CLVS1: variants seen among roughly 807,000 people sequenced by gnomAD.
CLVS1 encodes the protein clavesin-1.
In CLVS1, 10 loss-of-function variants were observed where a neutral mutation model predicts 33.1. The ratio of observed to expected loss-of-function variants is 0.30; its 90% CI spans 0.19 to 0.51. The LOEUF is 0.51. Ranked by LOEUF, CLVS1 falls within the 20% of genes least tolerant of loss-of-function variation. The pLI, the probability that CLVS1 is intolerant of heterozygous loss-of-function variation, is 0.97. For missense variants in CLVS1, 343 were observed against 433.4 expected (o/e 0.79, Z 1.85); for synonymous variants, 163 against 166.1 (o/e 0.98, Z 0.14).
intron 3 of CLVS1, among the ~76,000 whole-genome samples, chr8:61,412,613 T>G (rs997273980): frequency 1.3e-5 from 2 of 152,344 alleles, no homozygotes; most frequent in South Asian, 2.1e-4. Context: ...GCAGTGCATC[T>G]TGTAACAACC....
intron 2 of CLVS1, among the ~76,000 whole-genome samples, chr8:61,147,193 G>A (rs565073165): frequency 7.2e-5 from 11 of 152,292 alleles, no homozygotes; most frequent in African/African-American, 1.4e-4. Flanking sequence ...AGGGAATCAC[G>A]TGTTTCCAGT....
chr8:61,368,540 A>G (rs1813305352), intron 2 of CLVS1, among the ~76,000 whole-genome samples: 1 of 152,208 alleles, frequency 6.6e-6, no homozygotes, highest in African/African-American at 2.4e-5. Flanking sequence ...GGACTGGGGC[A>G]GAGGATGACA....
At chr8:61,408,984 C>G (rs1353195458) in intron 3 of CLVS1, among the ~76,000 whole-genome samples, 1 of 152,112 alleles carries the variant, frequency 6.6e-6, no homozygotes, top group Non-Finnish European at 1.5e-5. Context: ...ATCTTCTTCT[C>G]TAAGTCAAAG....
intron 2 of CLVS1, among the ~76,000 whole-genome samples, chr8:61,337,496 T>A (rs1230427975): frequency 6.6e-6 from 1 of 152,098 alleles, no homozygotes; most frequent in East Asian, 1.9e-4. Context: ...ATGGCTTGCT[T>A]TAGAGTGACT....
intron 2 of CLVS1, among the ~76,000 whole-genome samples, chr8:61,145,198 GTA>G (rs1206344299): frequency 6.6e-6 from 1 of 152,192 alleles, no homozygotes; most frequent in Non-Finnish European, 1.5e-5. Flanking sequence ...TTTTTGCAAT[GTA>G]TCCATCTGAC....
chr8:61,253,336 C>G (rs902106566), intron 2 of CLVS1, among the ~76,000 whole-genome samples: 1 of 152,192 alleles, frequency 6.6e-6, no homozygotes, highest in South Asian at 2.1e-4. Flanking sequence ...TGACCTTTCT[C>G]TCTGGCTGCC....
chr8:61,189,800 A>T (rs539356334), intron 2 of CLVS1, among the ~76,000 whole-genome samples: 1 of 152,340 alleles, frequency 6.6e-6, no homozygotes, highest in Non-Finnish European at 1.5e-5. Context: ...TGGTAAAGGG[A>T]TCAATTCAAC....
At chr8:61,396,133 G>A (rs757798238) in intron 3 of CLVS1, among the ~76,000 whole-genome samples, 1 of 152,056 alleles carries the variant, frequency 6.6e-6, no homozygotes, top group Non-Finnish European at 1.5e-5. Context: ...TATCCCTAGA[G>A]CCACTGCTTT....
intron 2 of CLVS1, among the ~76,000 whole-genome samples, chr8:61,278,259 T>C (rs1172464455): frequency 6.6e-6 from 1 of 152,236 alleles, no homozygotes; most frequent in Non-Finnish European, 1.5e-5. Context: ...GCCTTTTCTC[T>C]CTTGAAACTT....
At chr8:61,115,764 C>T (rs9773058) in intron 1 of CLVS1, among the ~76,000 whole-genome samples, 6,240 of 146,030 alleles carry the variant, frequency 0.043, 222 homozygotes, top group African/African-American at 0.099. Context: ...TTTCTTAATC[C>T]AGTCTATCAG....
chr8:61,047,765 G>A, the CLVS1 span, among the ~76,000 whole-genome samples: 3 of 152,106 alleles, frequency 2.0e-5, no homozygotes, highest in Admixed American at 6.5e-5. Context: ...ACACAGGAAG[G>A]GGAACATCAC....
At chr8:61,409,956 A>T (rs1367314489) in intron 3 of CLVS1, among the ~76,000 whole-genome samples, 1 of 151,036 alleles carries the variant, frequency 6.6e-6, no homozygotes, top group Non-Finnish European at 1.5e-5. Context: ...TCCCTTTCCC[A>T]TCTTTTTATT....
At chr8:61,006,774 A>G in the CLVS1 span, among the ~76,000 whole-genome samples, 2 of 152,150 alleles carry the variant, frequency 1.3e-5, no homozygotes, top group African/African-American at 4.8e-5. Flanking sequence ...TTGTTCCCTG[A>G]CAGAGGAGGA....
At chr8:61,308,601 C>T (rs751920118) in intron 2 of CLVS1, among the ~76,000 whole-genome samples, 14 of 152,074 alleles carry the variant, frequency 9.2e-5, no homozygotes, top group Non-Finnish European at 2.1e-4. Flanking sequence ...TCCCCTCTTC[C>T]GGGCACTGTG....
chr8:61,381,572 G>T (rs944668799), intron 3 of CLVS1, among the ~76,000 whole-genome samples: 3 of 152,036 alleles, frequency 2.0e-5, no homozygotes, highest in Non-Finnish European at 4.4e-5. Flanking sequence ...GTAGTTTTTT[G>T]TTCCTCGCCC....
intron 2 of CLVS1, among the ~76,000 whole-genome samples, chr8:61,313,271 C>T (rs1810900805): frequency 6.6e-6 from 1 of 152,044 alleles, no homozygotes; most frequent in Non-Finnish European, 1.5e-5. Flanking sequence ...CTGCTTGAGA[C>T]AAAAGGGCAC....
chr8:61,048,369 G>A, the CLVS1 span, among the ~76,000 whole-genome samples: 3 of 152,204 alleles, frequency 2.0e-5, no homozygotes, highest in African/African-American at 7.2e-5. Flanking sequence ...TAAGAATCAT[G>A]ACACAGAATC....
At chr8:61,274,393 A>T (rs1039547745) in intron 2 of CLVS1, among the ~76,000 whole-genome samples, 13 of 152,176 alleles carry the variant, frequency 8.5e-5, no homozygotes, top group African/African-American at 2.9e-4. Context: ...CCCTGAGCTT[A>T]AATCTTCTTG....
At chr8:61,483,066 G>A (rs184418792) in intron 5 of CLVS1, among the ~76,000 whole-genome samples, 13 of 152,304 alleles carry the variant, frequency 8.5e-5, no homozygotes, top group African/African-American at 2.9e-4. Context: ...TCAAAAGCTA[G>A]CAGAAGGCAA....
Sources: allele counts gnomAD v4.1 joint callset (sites outside exome capture counted in the v4.1 genomes callset), GRCh38; gene constraint gnomAD v4.1.1; transcripts MANE v1.5; gene names NCBI Gene and HGNC (gene_info 2026-07-23, HGNC 2026-07-21).